SPPL2B: variants seen among roughly 807,000 people sequenced by gnomAD.
The protein encoded by SPPL2B is signal peptide peptidase-like 2B.
A neutral mutation model predicts 59.7 loss-of-function variants in SPPL2B; 39 were observed. That is an observed-to-expected ratio of 0.65 (90% CI 0.51 to 0.85). The LOEUF (loss-of-function observed/expected upper bound fraction) is 0.85, where lower values mean the gene tolerates loss of function less well. Among genes scored for constraint, SPPL2B ranks in the 40% least tolerant of loss-of-function variants. SPPL2B has a pLI of 0.00. For synonymous variants in SPPL2B, 419 were observed against 370.8 expected (o/e 1.13, Z -1.49); for missense variants, 865 against 849.0 (o/e 1.02, Z -0.23).
At position 2,351,486 on chromosome 19, in the gene SPPL2B, T is replaced by A. The variant is rs776410401; in HGVS notation, c.1407T>A (p.Arg469=). 6.2e-7 allele frequency: 1 copy of A among 1,610,278 alleles called. No individual in the cohort carries two copies. Among genetic ancestry groups the A allele is most frequent in the East Asian group, 2.2e-5 (1 of 44,838 alleles). Residue 469 remains arginine (R), a synonymous_variant, in exon 14 of 15, where the codon CGT becomes CGA. Transcript: ENST00000613503. ...TCGTGGCACTGGCCCTGATGCAGCGTGGCCAGCCCGCTCTCCTCTACCTGG... is the reference window on the plus strand; with the variant it reads ...TCGTGGCACTGGCCCTGATGCAGCGAGGCCAGCCCGCTCTCCTCTACCTGG... ...VTFVALALMQ[R]GQPALLYLVP...
chr19:2,344,718 C>T, intron 12 of SPPL2B, 66 bp downstream of exon 12: 2 of 1,040,672 alleles, frequency 1.9e-6, no homozygotes, highest in Non-Finnish European at 2.9e-6. Flanking sequence ...CTGAGGTTTG[C>T]CTTTGGGAGT....
rs186119979 is a variant in SPPL2B at position 2,353,650 on chromosome 19, G to A, written c.*441G>A. The A allele has an allele frequency of 6.0e-5, 11 of 181,886 alleles. No homozygotes were observed. The highest frequency in any genetic ancestry group is 5.5e-4 in the Admixed American group (10 of 18,256). 11.3% of individuals were successfully genotyped at this position (181,886 alleles called of 1,614,324 possible). ...TCTCCGGGTGGAAGAGCAGCTTTCTGTCTCCCAGAAGGCATCGCTTTTCCC... is the reference window on the plus strand; with the variant it reads ...TCTCCGGGTGGAAGAGCAGCTTTCTATCTCCCAGAAGGCATCGCTTTTCCC... On this transcript the variant is annotated 3_prime_UTR_variant, in exon 15 of 15. Coordinates refer to ENST00000613503, the MANE Select transcript of SPPL2B (RefSeq NM_152988.3).
In SPPL2B at chr19:2,340,117, G is replaced by A. The variant is rs561026634; in HGVS notation, c.784G>A (p.Gly262Ser). The change falls in exon 7 of 15, where the codon GGC (glycine) becomes AGC (serine). Residue 262 changes from glycine to serine, a missense_variant. Physicochemically the swap from Gly to Ser is moderately conservative, Grantham distance 56 (BLOSUM62 0). Coordinates refer to ENST00000613503, the MANE Select transcript of SPPL2B (RefSeq NM_152988.3). ...IGIFCLASATGLYSCLAPCVR... is the reference protein window; with the variant it reads ...IGIFCLASATSLYSCLAPCVR... Reference sequence around the variant, plus strand: ...GATCTTCTGCCTGGCCTCCGCCACCGGCCTCTACAGCTGCCTGGCGCCCTG... The same window carrying A: ...GATCTTCTGCCTGGCCTCCGCCACCAGCCTCTACAGCTGCCTGGCGCCCTG... 3.6e-5 allele frequency: 58 copies of A among 1,594,026 alleles called. No homozygotes were observed. The highest frequency in any genetic ancestry group is 2.3e-4 in the East Asian group (10 of 44,434).
chr19:2,338,519 A>T, intron 3 of SPPL2B: 2 of 484,566 alleles, frequency 4.1e-6, no homozygotes, highest in Non-Finnish European at 3.7e-6. Flanking sequence ...TGGCGCTTTT[A>T]GGCCTGGGGC....
intron 13 of SPPL2B, among the ~76,000 whole-genome samples, chr19:2,350,093 TTC>T (rs1173955698): frequency 9.3e-4 from 131 of 140,510 alleles, no homozygotes; most frequent in African/African-American, 3.0e-3. Flanking sequence ...CTTGACTCTG[TTC>T]TCTCTCTCCA....
rs1970054054 is a variant in SPPL2B, at chr19:2,353,735, A to ACCGGTGGCCGGGGCGG, written c.*528_*529insGGTGGCCGGGGCGGCC. 6.5e-6 allele frequency: 1 copy of ACCGGTGGCCGGGGCGG among 154,682 alleles called. No individual in the cohort carries two copies. Among genetic ancestry groups the ACCGGTGGCCGGGGCGG allele is most frequent in the African/African-American group, 2.4e-5 (1 of 41,430 alleles). The allele number at this position is 154,682 out of a possible 1,614,324, so 9.6% of individuals were successfully genotyped here. A position where few individuals can be genotyped will look rare whatever the true frequency, so the allele number is the denominator to read the frequency against. Reference sequence around the variant, plus strand: ...AGCTGCCTCCAAGCCTAGGACACGGACCAGTGGCCGGGGCGGCCTCTGGCC... The same window carrying ACCGGTGGCCGGGGCGG: ...AGCTGCCTCCAAGCCTAGGACACGGACCGGTGGCCGGGGCGGCCAGTGGCCGGGGCGGCCTCTGGCC... On this transcript the variant is annotated 3_prime_UTR_variant, in exon 15 of 15. Coordinates refer to ENST00000613503, the MANE Select transcript of SPPL2B (RefSeq NM_152988.3).
intron 1 of SPPL2B, among the ~76,000 whole-genome samples, chr19:2,330,931 A>G (rs1053278034): frequency 1.3e-5 from 2 of 152,150 alleles, no homozygotes; most frequent in African/African-American, 4.8e-5. Flanking sequence ...ATACACCCTG[A>G]GACGCCTGTC....
chr19:2,341,476 G>A (rs763969094), intron 8 of SPPL2B: 111 of 445,256 alleles, frequency 2.5e-4, no homozygotes, highest in Admixed American at 2.2e-3. Context: ...CTCCCCCCAC[G>A]CTCACCTCCC....
chr19:2,344,075 C>A, intron 10 of SPPL2B, 36 bp downstream of exon 10: 2 of 1,432,448 alleles, frequency 1.4e-6, no homozygotes, highest in Non-Finnish European at 1.9e-6. Flanking sequence ...ACCCCATCAC[C>A]CCGCTCCCCC....
chr19:2,331,424 A>C (rs980296022), intron 1 of SPPL2B, among the ~76,000 whole-genome samples: 1 of 151,934 alleles, frequency 6.6e-6, no homozygotes, highest in African/African-American at 2.4e-5. Context: ...CTGCTCCTCC[A>C]AATTTCGGTG....
chr19:2,340,565 C>T (rs1288914056), intron 7 of SPPL2B: 7 of 552,064 alleles, frequency 1.3e-5, no homozygotes, highest in East Asian at 3.4e-5. Flanking sequence ...GTCTAGGAAG[C>T]GGGGCTAGCC....
At chr19:2,329,248 A>G (rs1027049471) in intron 1 of SPPL2B, among the ~76,000 whole-genome samples, 1 of 152,168 alleles carries the variant, frequency 6.6e-6, no homozygotes, top group Non-Finnish European at 1.5e-5. Flanking sequence ...GTCCCCCAGT[A>G]ACTGGCAGCA....
In SPPL2B at chr19:2,343,774, CTTT is replaced by C. The variant is rs1969194870; in HGVS notation, c.1039-189_1039-187del. On this transcript the variant is annotated intron_variant, in intron 9 of 14. Coordinates refer to ENST00000613503, the MANE Select transcript of SPPL2B (RefSeq NM_152988.3). The stretch of plus-strand genomic sequence containing the variant: ...TTACGTGGAGACTCTAAAAGCCTGA[CTTT>C]TGCCCGTAAATCCCTACCTGATGTT... 2.0e-5 allele frequency among the ~76,000 whole-genome samples: 3 copies of C among 152,296 alleles called. No individual in the cohort carries two copies. In the East Asian group the frequency reaches 5.8e-4, roughly 29 times the overall value.
Position 2,353,322 on chromosome 19 carries a change from C to T in SPPL2B, c.*113C>T, listed in dbSNP as rs553046892. The T allele has an allele frequency of 1.2e-4, 158 of 1,269,676 alleles. No individual in the cohort carries two copies. Among genetic ancestry groups the T allele is most frequent in the Non-Finnish European group, 1.3e-4 (127 of 946,490 alleles). The allele number at this position is 1,269,676 out of a possible 1,614,324, so 78.7% of individuals were successfully genotyped here. A position where few individuals can be genotyped will look rare whatever the true frequency, so the allele number is the denominator to read the frequency against. On this transcript the variant is annotated 3_prime_UTR_variant, in exon 15 of 15. Transcript: ENST00000613503. ...TGTCCCCCGGGACCGAGGCCTGTGCCGTCCCCACCCGCCCCAACATGGTGC... is the reference window on the plus strand; with the variant it reads ...TGTCCCCCGGGACCGAGGCCTGTGCTGTCCCCACCCGCCCCAACATGGTGC...
At position 2,351,515 on chromosome 19, in the gene SPPL2B, C is replaced by T; in HGVS notation, c.1436C>T (p.Pro479Leu). 4 of 1,611,198 alleles carry T rather than the reference C, an allele frequency of 2.5e-6. No individual in the cohort carries two copies. Among genetic ancestry groups the T allele is most frequent in the Non-Finnish European group, 3.4e-6 (4 of 1,179,612 alleles). The change falls in exon 14 of 15, where the codon CCC becomes CTC. Residue 479 changes from proline to leucine, a missense_variant. Physicochemically the swap from Pro to Leu is moderately conservative, Grantham distance 98 (BLOSUM62 -3). Transcript: ENST00000613503. ...CAGCCCGCTCTCCTCTACCTGGTGC[C>T]CTGCACGCTGGTGACGAGCTGCGCT... is the stretch of plus-strand genomic sequence containing the variant. ...RGQPALLYLV[P>L]CTLVTSCAVA... is the part of the protein sequence containing the mutation.
chr19:2,340,222 C>A, intron 7 of SPPL2B, 50 bp downstream of exon 7: 3 of 1,399,180 alleles, frequency 2.1e-6, no homozygotes, highest in South Asian at 1.4e-5. Context: ...GCGGTGATGG[C>A]CACGGCCCCT....
intron 13 of SPPL2B, 115 bp from the exon 14 acceptor site, chr19:2,351,319 C>T: frequency 1.2e-6 from 1 of 811,174 alleles, no homozygotes. Context: ...TGTACCTCTC[C>T]CGTCCTCGCA....
Position 2,345,250 on chromosome 19 carries a change from C to T in SPPL2B, c.1277-3C>T, listed in dbSNP as rs770491107. ...GTAAGCCTCCGCCCTGTGCCTCCCC[C>T]AGGGCTGCTGGTGGCCTACTGCCAC... On this transcript the variant is annotated splice_region_variant and splice_polypyrimidine_tract_variant and intron_variant, in intron 12 of 14. Coordinates refer to ENST00000613503, the MANE Select transcript of SPPL2B (RefSeq NM_152988.3). 6.2e-7 allele frequency: 1 copy of T among 1,612,856 alleles called. No homozygotes were observed. The highest frequency in any genetic ancestry group is 1.7e-5 in the Admixed American group (1 of 60,006).
chr19:2,333,966 G>T (rs1968422185), intron 1 of SPPL2B, among the ~76,000 whole-genome samples: 1 of 152,232 alleles, frequency 6.6e-6, no homozygotes, highest in African/African-American at 2.4e-5. Flanking sequence ...TCAGGACCCG[G>T]TGCCCGTAGG....
Sources: allele counts gnomAD v4.1 joint callset (sites outside exome capture counted in the v4.1 genomes callset), GRCh38; gene constraint gnomAD v4.1.1; transcripts MANE v1.5; gene names NCBI Gene and HGNC (gene_info 2026-07-23, HGNC 2026-07-21).